The following KCNU1 variants were observed in gnomAD, a reference collection of about 807,000 sequenced individuals.
KCNU1 encodes the protein potassium calcium-activated channel subfamily U member 1.
Under a neutral mutation model 126.8 loss-of-function variants are expected in KCNU1, and 93 were observed. The ratio of observed to expected loss-of-function variants is 0.73; its 90% confidence interval spans 0.62 to 0.87. KCNU1 has a LOEUF of 0.87. Ranked by LOEUF, KCNU1 falls within the 40% of genes least tolerant of loss-of-function variation. The pLI, the probability that KCNU1 is intolerant of heterozygous loss-of-function variation, is 0.00. For synonymous variants in KCNU1, 523 were observed against 494.2 expected, an observed-to-expected ratio of 1.06 and a Z score of -0.77; for missense variants, 1,330 against 1,367.1, an observed-to-expected ratio of 0.97 and a Z score of 0.43.
intron 19 of KCNU1, among the ~76,000 whole-genome samples, chr8:36,879,082 A>C (rs914391004): frequency 2.0e-5 from 3 of 147,856 alleles, no homozygotes; most frequent in Non-Finnish European, 4.5e-5. Flanking sequence ...GCACCGTAAA[A>C]GATTGGTTTA....
intron 19 of KCNU1, among the ~76,000 whole-genome samples, chr8:36,867,459 T>C (rs1805952364): frequency 6.6e-6 from 1 of 152,204 alleles, no homozygotes; most frequent in Non-Finnish European, 1.5e-5. Flanking sequence ...GTATTGTGCA[T>C]GCATGCATGT....
In KCNU1 at chr8:36,935,616, A is replaced by G. The variant is rs1226952086; in HGVS notation, c.3146A>G (p.Glu1049Gly). 6.2e-7 allele frequency: 1 copy of G among 1,613,282 alleles called. No individual in the cohort carries two copies. The highest frequency in any genetic ancestry group is 1.3e-5 in the African/African-American group (1 of 74,876). ...FSTACYKRNE[E>G]FSLQKSYEIV... ...ACTGCTTGTTATAAAAGGAATGAAG[A>G]GTTCTCATTGCAAAAGTCATATGAA... Residue 1049 changes from glutamate (E) to glycine (G), a missense_variant, in exon 27 of 27, where the codon GAG (glutamate) becomes GGG (glycine). Glu to Gly is a moderately conservative substitution (Grantham distance 98, BLOSUM62 -2). Around this residue, in one of 3 missense-constraint regions of KCNU1, gnomAD observed 1,054 missense variants for 1,053.9 expected, o/e 1.00. Coordinates refer to ENST00000399881, the MANE Select transcript of KCNU1 (RefSeq NM_001031836.3).
chr8:36,904,053 G>A (rs1157229389), intron 19 of KCNU1, among the ~76,000 whole-genome samples: 1 of 152,090 alleles, frequency 6.6e-6, no homozygotes, highest in Non-Finnish European at 1.5e-5. Context: ...CATATCAGTG[G>A]CTGTCAAAGA....
chr8:36,922,906 A>G (rs1808410666), intron 24 of KCNU1: 1 of 551,062 alleles, frequency 1.8e-6, no homozygotes, highest in African/African-American at 1.9e-5. Context: ...CTTCTAAGGC[A>G]TCGCTGCAGA....
At chr8:36,797,730 T>C (rs1349386396) in intron 2 of KCNU1, among the ~76,000 whole-genome samples, 3 of 152,172 alleles carry the variant, frequency 2.0e-5, no homozygotes, top group African/African-American at 7.2e-5. Context: ...AAAGTTTTTT[T>C]CTTGCTCTTA....
At chr8:36,813,478 C>T (rs1803796175) in intron 7 of KCNU1, among the ~76,000 whole-genome samples, 1 of 150,544 alleles carries the variant, frequency 6.6e-6, no homozygotes, top group African/African-American at 2.4e-5. Context: ...ATAAACTATA[C>T]ATGTATAAAT....
chr8:36,870,999 G>A (rs1219365827), intron 19 of KCNU1, among the ~76,000 whole-genome samples: 1 of 152,026 alleles, frequency 6.6e-6, no homozygotes, highest in Admixed American at 6.6e-5. Flanking sequence ...TTTAATTGAT[G>A]GTATAATTTG....
At chr8:36,902,949 A>T (rs1807476982) in intron 19 of KCNU1, among the ~76,000 whole-genome samples, 1 of 152,172 alleles carries the variant, frequency 6.6e-6, no homozygotes, top group Non-Finnish European at 1.5e-5. Flanking sequence ...CTTGAAGCTT[A>T]TATGTTACAT....
intron 18 of KCNU1, among the ~76,000 whole-genome samples, chr8:36,850,087 G>A (rs1309067205): frequency 6.6e-6 from 1 of 152,022 alleles, no homozygotes; most frequent in African/African-American, 2.4e-5. Context: ...TTTTCATGAG[G>A]AGCTCATTGA....
chr8:36,850,676 C>T (rs1358433564), intron 18 of KCNU1, among the ~76,000 whole-genome samples: 2 of 152,086 alleles, frequency 1.3e-5, no homozygotes, highest in African/African-American at 2.4e-5. Flanking sequence ...AGTCTGTTCT[C>T]GAGCTCCTAG....
chr8:36,838,945 G>A (rs910097020), intron 14 of KCNU1, among the ~76,000 whole-genome samples: 7 of 152,176 alleles, frequency 4.6e-5, no homozygotes, highest in African/African-American at 1.2e-4. Flanking sequence ...ACAAACTATC[G>A]ACTTTGGTTT....
chr8:36,787,208 G>A (rs1003227270), intron 1 of KCNU1, 98 bp from the exon 2 acceptor site: 12 of 1,089,818 alleles, frequency 1.1e-5, no homozygotes, highest in South Asian at 6.5e-5. Context: ...AGTGATTTTC[G>A]ACTGATACCA....
chr8:36,873,557 G>A (rs1402333959), intron 19 of KCNU1, among the ~76,000 whole-genome samples: 7 of 152,172 alleles, frequency 4.6e-5, no homozygotes, highest in African/African-American at 1.4e-4. Context: ...ATTTAATTGG[G>A]AAAATCTTTC....
chr8:36,921,080 C>T (rs886949421), intron 23 of KCNU1, among the ~76,000 whole-genome samples: 4 of 152,146 alleles, frequency 2.6e-5, no homozygotes, highest in Non-Finnish European at 4.4e-5. Context: ...AGTGCACCTA[C>T]CCCAGTCTCA....
At chr8:36,910,314 A>C (rs888950392) in intron 21 of KCNU1, among the ~76,000 whole-genome samples, 1 of 152,226 alleles carries the variant, frequency 6.6e-6, no homozygotes, top group Non-Finnish European at 1.5e-5. Context: ...TTGCTTTTTT[A>C]AAAAGCCACT....
chr8:36,809,815 A>G (rs1803643866), intron 7 of KCNU1, among the ~76,000 whole-genome samples: 1 of 152,188 alleles, frequency 6.6e-6, no homozygotes, highest in South Asian at 2.1e-4. Flanking sequence ...AGCTGTTTCA[A>G]TGAGGGGCTC....
At chr8:36,915,749 C>T (rs1475612699) in intron 22 of KCNU1, among the ~76,000 whole-genome samples, 1 of 152,166 alleles carries the variant, frequency 6.6e-6, no homozygotes, top group Non-Finnish European at 1.5e-5. Context: ...AGAAGCCCCC[C>T]TTTGGGACCT....
Position 36,840,500 on chromosome 8 carries a change from A to G in KCNU1, c.1556A>G (p.Asn519Ser). The part of the protein sequence containing the change: ...PKQTWKKHFL[N>S]SMKNKILTQR... ...CAGACCTGGAAGAAACACTTCTTGAATAGCATGAAAAACAAAATTCTGACC... is the reference window on the plus strand; with the variant it reads ...CAGACCTGGAAGAAACACTTCTTGAGTAGCATGAAAAACAAAATTCTGACC... The change falls in exon 15 of 27, where the codon AAT becomes AGT. Residue 519 changes from asparagine (N) to serine (S), a missense_variant. Around this residue, in one of 3 missense-constraint regions of KCNU1, gnomAD observed 1,054 missense variants for 1,053.9 expected, o/e 1.00. Transcript: ENST00000399881. The G allele has an allele frequency of 6.2e-7, 1 of 1,611,456 alleles. No individual in the cohort carries two copies. The highest frequency in any genetic ancestry group is 8.5e-7 in the Non-Finnish European group (1 of 1,178,086).
In KCNU1 at chr8:36,864,459, A is replaced by G; in HGVS notation, c.1947A>G (p.Ser649=). Residue 649 remains serine (S), a synonymous_variant, in exon 19 of 27, where the codon TCA becomes TCG. Transcript: ENST00000399881. ...KCLKGISSRI[S]GQDSPPRVSA... Reference sequence around the variant, plus strand: ...TGAAGGGAATCTCCTCTCGTATATCAGGGCAGGATTCTCCGCCAAGGGTAT... The same window carrying G: ...TGAAGGGAATCTCCTCTCGTATATCGGGGCAGGATTCTCCGCCAAGGGTAT... 1.2e-6 allele frequency: 2 copies of G among 1,613,234 alleles called. No individual in the cohort carries two copies. Among genetic ancestry groups the G allele is most frequent in the Non-Finnish European group, 1.7e-6 (2 of 1,179,274 alleles).
Sources: gnomAD v4.1 joint callset for allele counts (sites outside exome capture counted in the v4.1 genomes callset) on GRCh38, gnomAD v4.1.1 for gene constraint, gnomAD v4.1.1 regional missense constraint, MANE v1.5 for transcripts, NCBI Gene and HGNC (gene_info 2026-07-23, HGNC 2026-07-21) for gene names.